Variants in TMEM114 observed in about 807,000 individuals in gnomAD.
TMEM114 encodes the protein transmembrane protein 114, also known as claudin-26.
A neutral mutation model predicts 6.2 loss-of-function variants in TMEM114; 6 were observed. That is an observed-to-expected ratio of 0.97 (90% CI 0.53 to 1.91). TMEM114 has a LOEUF of 1.91. Among genes scored for constraint, TMEM114 ranks in the 40% most tolerant of loss-of-function variants. The probability of loss-of-function intolerance (pLI) is 0.01; values close to 1 mark genes in which losing one functional copy is unlikely to be tolerated. For synonymous variants in TMEM114, 104 were observed against 73.0 expected (o/e 1.42, Z -2.16); for missense variants, 218 against 158.3 (o/e 1.38, Z -2.02).
chr16:8,576,731 GA>G (rs1449994670), intron 2 of TMEM114, among the ~76,000 whole-genome samples: 1 of 151,362 alleles, frequency 6.6e-6, no homozygotes, highest in Non-Finnish European at 1.5e-5. Flanking sequence ...AGGAAGGAAG[GA>G]AGGAAGGAAG....
At chr16:8,562,344 G>C (rs868230369) in intron 2 of TMEM114, among the ~76,000 whole-genome samples, 3 of 147,784 alleles carry the variant, frequency 2.0e-5, no homozygotes, top group Admixed American at 6.7e-5. Context: ...GAGTGAATGA[G>C]TGAGTGAGTG....
chr16:8,589,563 G>A, intron 1 of TMEM114, 56 bp downstream of exon 1: 1 of 398,530 alleles, frequency 2.5e-6, no homozygotes, highest in East Asian at 3.6e-5. Context: ...AGGGAGCAGG[G>A]CACCGCGCAG....
chr16:8,551,838 C>A (rs753201451), intron 2 of TMEM114, among the ~76,000 whole-genome samples: 1 of 152,142 alleles, frequency 6.6e-6, no homozygotes, highest in African/African-American at 2.4e-5. Context: ...TGAGAGCCAC[C>A]CAAATGTCCT....
chr16:8,578,127 T>G (rs1305999736), intron 2 of TMEM114, among the ~76,000 whole-genome samples: 1 of 151,990 alleles, frequency 6.6e-6, no homozygotes, highest in East Asian at 1.9e-4. Flanking sequence ...GAAAAATAGG[T>G]GGGCAGTGGC....
downstream of TMEM114, among the ~76,000 whole-genome samples, chr16:8,568,223 T>C (rs1901610223): frequency 2.0e-5 from 3 of 152,170 alleles, no homozygotes; most frequent in East Asian, 5.8e-4. Flanking sequence ...TGCCTCTCTC[T>C]CCTCAATCAT....
intron 2 of TMEM114, among the ~76,000 whole-genome samples, chr16:8,575,424 C>A (rs1019714482): frequency 2.6e-5 from 4 of 152,328 alleles, no homozygotes; most frequent in African/African-American, 4.8e-5. Flanking sequence ...CCAAATCACA[C>A]TTTTGAGAAT....
chr16:8,583,582 C>A (rs1460614094), intron 2 of TMEM114, among the ~76,000 whole-genome samples: 4 of 152,028 alleles, frequency 2.6e-5, no homozygotes, highest in Admixed American at 2.6e-4. Flanking sequence ...CCCATCTCTA[C>A]AAAAAATAAT....
intron 2 of TMEM114, among the ~76,000 whole-genome samples, chr16:8,546,071 T>TGGA (rs745809797): frequency 2.6e-5 from 4 of 152,168 alleles, no homozygotes; most frequent in Admixed American, 2.0e-4. Flanking sequence ...GCTATGATCA[T>TGGA]GTCACTGCAC....
chr16:8,566,500 GGA>G (rs1431421866), downstream of TMEM114, among the ~76,000 whole-genome samples: 2 of 152,028 alleles, frequency 1.3e-5, no homozygotes, highest in Non-Finnish European at 2.9e-5. Context: ...AGATCAGAAT[GGA>G]TCAGAACACA....
chr16:8,585,933 G>T (rs555366958), intron 2 of TMEM114, among the ~76,000 whole-genome samples: 4 of 152,320 alleles, frequency 2.6e-5, no homozygotes, highest in South Asian at 4.1e-4. Flanking sequence ...TGAAACTGCG[G>T]GTTAGCCCTA....
chr16:8,566,431 G>A (rs950157697), downstream of TMEM114, among the ~76,000 whole-genome samples: 7 of 150,544 alleles, frequency 4.6e-5, no homozygotes, highest in African/African-American at 1.7e-4. Context: ...TGATGGATCA[G>A]AATAGAAGAG....
intron 2 of TMEM114, among the ~76,000 whole-genome samples, chr16:8,541,983 G>T (rs60405760): frequency 0.072 from 10,927 of 152,164 alleles, 477 homozygotes; most frequent in Middle Eastern, 0.14. Flanking sequence ...TACCTCTAAG[G>T]GATCCACCAC....
At chr16:8,544,920 T>TTCTCTC (rs144585319) in intron 2 of TMEM114, among the ~76,000 whole-genome samples, 36,166 of 147,696 alleles carry the variant, frequency 0.24, 4,555 homozygotes, top group East Asian at 0.34. Context: ...CTCAACATCT[T>TTCTCTC]TCTCTCTCTC....
chr16:8,556,832 A>C (rs1901027117), intron 2 of TMEM114, among the ~76,000 whole-genome samples: 1 of 152,128 alleles, frequency 6.6e-6, no homozygotes, highest in Admixed American at 6.5e-5. Flanking sequence ...TTGAAATGTA[A>C]ATTTTATGTC....
intron 2 of TMEM114, among the ~76,000 whole-genome samples, chr16:8,541,812 G>A (rs1280946462): frequency 6.6e-6 from 1 of 152,142 alleles, no homozygotes; most frequent in Non-Finnish European, 1.5e-5. Context: ...GTTCCACTTG[G>A]GAACTGGGAA....
intron 2 of TMEM114, among the ~76,000 whole-genome samples, chr16:8,559,071 T>C (rs986710070): frequency 1.3e-5 from 2 of 149,008 alleles, no homozygotes; most frequent in Non-Finnish European, 3.0e-5. Context: ...TGAGATGGAG[T>C]TTGCTGTGTC....
chr16:8,548,399 T>G (rs910593839), intron 2 of TMEM114, among the ~76,000 whole-genome samples: 2 of 152,176 alleles, frequency 1.3e-5, no homozygotes, highest in Non-Finnish European at 2.9e-5. Context: ...AGGTCAATGA[T>G]TCTCAGATAC....
intron 2 of TMEM114, among the ~76,000 whole-genome samples, chr16:8,578,519 T>G (rs941054892): frequency 6.6e-6 from 1 of 152,186 alleles, no homozygotes; most frequent in Non-Finnish European, 1.5e-5. Context: ...GAATTACACC[T>G]GCAAAGATGC....
intron 2 of TMEM114, among the ~76,000 whole-genome samples, chr16:8,585,747 C>T (rs1169390104): frequency 6.6e-6 from 1 of 152,194 alleles, no homozygotes; most frequent in Non-Finnish European, 1.5e-5. Context: ...ACTTACAGCA[C>T]ACTTCCGGAG....
Sources: allele counts gnomAD v4.1 joint callset (sites outside exome capture counted in the v4.1 genomes callset), GRCh38; gene constraint gnomAD v4.1.1; transcripts MANE v1.5; gene names NCBI Gene and HGNC (gene_info 2026-07-23, HGNC 2026-07-21).